CALN1: variants seen among roughly 807,000 people sequenced by gnomAD.
CALN1 encodes calneuron 1.
A neutral mutation model predicts 30.6 loss-of-function variants in CALN1; 17 were observed. That is an observed-to-expected ratio of 0.56 (90% CI 0.38 to 0.83). The LOEUF is 0.83. CALN1 is among the 40% of genes least tolerant of loss of function. CALN1 has a pLI of 0.00. For missense variants in CALN1, 291 were observed against 354.9 expected (o/e 0.82, Z 1.45); for synonymous variants, 156 against 131.4 (o/e 1.19, Z -1.28).
rs139770821 is a variant in CALN1, at chr7:72,144,046, G to A, written c.245-37752C>T. Among the ~76,000 whole-genome samples the A allele has an allele frequency of 3.3e-3, 501 of 152,092 alleles. 24 individuals carry two copies. The East Asian group carries it at 0.081, about 25-fold the overall frequency. Reference sequence around the variant, plus strand: ...ATGCCAAACTGTAAAGACCATCGAGGCTAGGAAGAAACTGCATCAACTAAC... The same window carrying A: ...ATGCCAAACTGTAAAGACCATCGAGACTAGGAAGAAACTGCATCAACTAAC... On this transcript the variant is annotated intron_variant, in intron 3 of 6. Coordinates refer to ENST00000395275, the MANE Select transcript of CALN1 (RefSeq NM_031468.4).
chr7:71,865,547 G>A (rs1791536807), intron 5 of CALN1, among the ~76,000 whole-genome samples: 1 of 152,188 alleles, frequency 6.6e-6, no homozygotes, highest in Non-Finnish European at 1.5e-5. Flanking sequence ...AGTTCTCAAA[G>A]CCTTATCTGG....
chr7:71,839,702 C>G (rs980952633), intron 5 of CALN1, among the ~76,000 whole-genome samples: 5 of 152,178 alleles, frequency 3.3e-5, no homozygotes, highest in African/African-American at 1.2e-4. Flanking sequence ...TCTCCATGGC[C>G]TCTCCAAATG....
At chr7:72,123,444 G>A (rs1584989724) in intron 3 of CALN1, among the ~76,000 whole-genome samples, 1 of 152,232 alleles carries the variant, frequency 6.6e-6, no homozygotes, top group South Asian at 2.1e-4. Flanking sequence ...TATCAACCTT[G>A]TCCTTCCTGT....
At chr7:72,142,549 G>A (rs922306725) in intron 3 of CALN1, among the ~76,000 whole-genome samples, 1 of 152,224 alleles carries the variant, frequency 6.6e-6, no homozygotes, top group Admixed American at 6.5e-5. Context: ...ACCTCTGGGG[G>A]CAGGGCATAG....
In CALN1 at chr7:72,311,651, A is replaced by ATTTTT. The variant is rs56197069; in HGVS notation, c.120-32846_120-32842dup. 8.0e-4 allele frequency among the ~76,000 whole-genome samples: 39 copies of ATTTTT among 48,530 alleles called. 1 individual carries two copies. Among genetic ancestry groups the ATTTTT allele is most frequent in the African/African-American group, 2.8e-3 (35 of 12,580 alleles). 31.8% of individuals were successfully genotyped at this position (48,530 alleles called of 152,430 possible). On this transcript the variant is annotated intron_variant, in intron 2 of 6. Transcript: ENST00000395275. Reference sequence around the variant, plus strand: ...CATGCCACCACAACGCCTGGCTGAGATTTTTTTTTTTTTTTTTTTTTTTTT... The same window carrying ATTTTT: ...CATGCCACCACAACGCCTGGCTGAGATTTTTTTTTTTTTTTTTTTTTTTTTTTTTT...
At chr7:72,095,759 C>T (rs1414844388) in intron 4 of CALN1, among the ~76,000 whole-genome samples, 1 of 152,156 alleles carries the variant, frequency 6.6e-6, no homozygotes, top group Non-Finnish European at 1.5e-5. Flanking sequence ...TGGGCCAAGC[C>T]TGGTAGCTCA....
At chr7:72,091,811 C>A (rs1379898834) in intron 4 of CALN1, among the ~76,000 whole-genome samples, 1 of 152,186 alleles carries the variant, frequency 6.6e-6, no homozygotes, top group Non-Finnish European at 1.5e-5. Context: ...TTGCCAAATT[C>A]TCCAATATTT....
rs183706773 is a variant in CALN1 at position 71,856,758 on chromosome 7, C to T, written c.502-46266G>A. ...TCACTTGAGGTCAGGAGTTCAAGAC[C>T]AGGCTGGCCAATGTGGTGAAACCCC... On this transcript the variant is annotated intron_variant, in intron 5 of 6. Transcript: ENST00000395275. 3.9e-5 allele frequency among the ~76,000 whole-genome samples: 6 copies of T among 152,114 alleles called. No individual in the cohort carries two copies. The East Asian group carries it at 7.8e-4, about 20-fold the overall frequency.
In CALN1 at chr7:72,247,247, T is replaced by C. The variant is rs1274417573; in HGVS notation, c.244+31439A>G. ...TCTTTCTTTTTTTTTTTTTTTTTTT[T>C]TTTTTTTTTTTTTTTTTTTGAGATG... On this transcript the variant is annotated intron_variant, in intron 3 of 6. Coordinates refer to ENST00000395275, the MANE Select transcript of CALN1 (RefSeq NM_031468.4). Among the ~76,000 whole-genome samples the C allele has an allele frequency of 3.3e-3, 378 of 115,860 alleles. 16 individuals carry two copies. Among genetic ancestry groups the C allele is most frequent in the African/African-American group, 0.011 (298 of 27,874 alleles). 76.0% of individuals were successfully genotyped at this position (115,860 alleles called of 152,430 possible).
chr7:71,796,051 T>A (rs1786898138), intron 6 of CALN1, among the ~76,000 whole-genome samples: 1 of 151,800 alleles, frequency 6.6e-6, no homozygotes, highest in South Asian at 2.1e-4. Context: ...GGTCTCAATC[T>A]CCTGACCTCG....
intron 5 of CALN1, among the ~76,000 whole-genome samples, chr7:71,888,906 T>A (rs1584452605): frequency 6.6e-6 from 1 of 152,196 alleles, no homozygotes; most frequent in African/African-American, 2.4e-5. Flanking sequence ...GAATGAACAA[T>A]GTTCACCTTC....
the CALN1 span, among the ~76,000 whole-genome samples, chr7:72,479,790 A>G: frequency 1.3e-5 from 2 of 152,086 alleles, no homozygotes; most frequent in African/African-American, 4.8e-5. Flanking sequence ...ACCTCGGAAG[A>G]TTCACCCACC....
chr7:72,315,484 A>C (rs924036308), intron 2 of CALN1, among the ~76,000 whole-genome samples: 1 of 152,116 alleles, frequency 6.6e-6, no homozygotes, highest in African/African-American at 2.4e-5. Flanking sequence ...AGGCGGGAAG[A>C]TCACTTGAAC....
At chr7:71,871,674 C>T (rs978183006) in intron 5 of CALN1, among the ~76,000 whole-genome samples, 6 of 152,182 alleles carry the variant, frequency 3.9e-5, no homozygotes, top group Admixed American at 1.3e-4. Flanking sequence ...GACATCGCAC[C>T]TTCTGTTCCC....
At chr7:72,168,428 G>A (rs1788684433) in intron 3 of CALN1, among the ~76,000 whole-genome samples, 1 of 152,178 alleles carries the variant, frequency 6.6e-6, no homozygotes, top group Admixed American at 6.5e-5. Flanking sequence ...TTTGGCATCA[G>A]TAGTAAAATT....
chr7:72,057,238 A>T (rs1420451912), intron 4 of CALN1, among the ~76,000 whole-genome samples: 1 of 152,158 alleles, frequency 6.6e-6, no homozygotes, highest in African/African-American at 2.4e-5. Context: ...TGAGCCATGA[A>T]GCCTGGCCAG....
At chr7:71,811,185 C>T (rs1787933849) in intron 5 of CALN1, among the ~76,000 whole-genome samples, 1 of 152,018 alleles carries the variant, frequency 6.6e-6, no homozygotes. Flanking sequence ...GCCTGAGCCA[C>T]CACGCCCGGC....
chr7:72,147,324 CAAAAG>C (rs887824696), intron 3 of CALN1, among the ~76,000 whole-genome samples: 50 of 152,122 alleles, frequency 3.3e-4, no homozygotes, highest in Admixed American at 5.2e-4. Context: ...AGACACTTCT[CAAAAG>C]AAGACATTTA....
At chr7:71,851,208 AACACACACACACACACAC>A (rs56041427) in intron 5 of CALN1, among the ~76,000 whole-genome samples, 5 of 132,174 alleles carry the variant, frequency 3.8e-5, no homozygotes, top group African/African-American at 8.6e-5. Flanking sequence ...CCTTGTCTCA[AACACACACACACACACAC>A]ACACACACAC....
Sources: allele counts gnomAD v4.1 joint callset (sites outside exome capture counted in the v4.1 genomes callset), GRCh38; gene constraint gnomAD v4.1.1; transcripts MANE v1.5; gene names NCBI Gene and HGNC (gene_info 2026-07-23, HGNC 2026-07-21).